Variants in TSPEAR observed in about 807,000 individuals in gnomAD.
The protein encoded by TSPEAR is thrombospondin-type laminin G domain and EAR repeat-containing protein.
Under a neutral mutation model 71.6 loss-of-function variants are expected in TSPEAR, and 69 were observed. The observed-to-expected ratio is 0.96, with a 90% CI of 0.79 to 1.18. The LOEUF (loss-of-function observed/expected upper bound fraction) is 1.18. Ranked by LOEUF, TSPEAR falls within the 50% of genes most tolerant of loss-of-function variation. The pLI, the probability that TSPEAR is intolerant of heterozygous loss-of-function variation, is 0.00. For synonymous variants in TSPEAR, 402 were observed against 387.2 expected, an observed-to-expected ratio of 1.04 and a Z score of -0.45; for missense variants, 971 against 894.9, an observed-to-expected ratio of 1.09 and a Z score of -1.09.
intron 1 of TSPEAR, chr21:44,573,639 T>C: frequency 6.6e-7 from 1 of 1,508,022 alleles, no homozygotes; most frequent in Non-Finnish European, 8.9e-7. Context: ...GAGCCTCCTG[T>C]CTGGACAACA....
At chr21:44,579,810 A>G in intron 1 of TSPEAR, 1 of 1,609,684 alleles carries the variant, frequency 6.2e-7, no homozygotes, top group Non-Finnish European at 8.5e-7. Context: ...AGGGACACGC[A>G]GGAGGCCGGG....
intron 1 of TSPEAR, among the ~76,000 whole-genome samples, chr21:44,568,973 A>C (rs369889759): frequency 5.1e-4 from 78 of 152,258 alleles, no homozygotes; most frequent in Admixed American, 2.4e-3. Context: ...TTCTCTGTGA[A>C]GGCCCCGGAA....
chr21:44,543,092 G>C (rs1310226164), intron 2 of TSPEAR, among the ~76,000 whole-genome samples: 1 of 152,132 alleles, frequency 6.6e-6, no homozygotes, highest in African/African-American at 2.4e-5. Flanking sequence ...TCTGGACACC[G>C]AGAGGATATG....
chr21:44,539,984 G>C (rs201266518), intron 2 of TSPEAR: 2 of 1,613,338 alleles, frequency 1.2e-6, no homozygotes, highest in Non-Finnish European at 1.7e-6. Flanking sequence ...CTGGCAGCAG[G>C]GGCTGGACAC....
At chr21:44,585,177 G>A (rs1470364054) in intron 1 of TSPEAR, among the ~76,000 whole-genome samples, 3 of 152,194 alleles carry the variant, frequency 2.0e-5, no homozygotes, top group South Asian at 2.1e-4. Context: ...CTGGATCCCT[G>A]TTGTTTAAGA....
chr21:44,692,484 T>G (rs1196706253), intron 1 of TSPEAR, among the ~76,000 whole-genome samples: 3 of 152,152 alleles, frequency 2.0e-5, no homozygotes, highest in African/African-American at 7.2e-5. Flanking sequence ...AGAAAGCTAC[T>G]AGAGCTTTAT....
intron 1 of TSPEAR, among the ~76,000 whole-genome samples, chr21:44,645,839 C>T (rs1984300203): frequency 6.6e-6 from 1 of 151,996 alleles, no homozygotes; most frequent in African/African-American, 2.4e-5. Context: ...TCAACAAAAG[C>T]TTGCTTGAAA....
chr21:44,535,083 G>A (rs2053065662), intron 2 of TSPEAR, among the ~76,000 whole-genome samples: 1 of 152,166 alleles, frequency 6.6e-6, no homozygotes, highest in African/African-American at 2.4e-5. Flanking sequence ...GGGTGATGGG[G>A]AGTAAGTGTT....
intron 1 of TSPEAR, among the ~76,000 whole-genome samples, chr21:44,708,009 A>G (rs150941927): frequency 1.9e-3 from 4 of 2,150 alleles, no homozygotes; most frequent in Non-Finnish European, 5.1e-3. Context: ...CCGCGCGTGC[A>G]CACACACACA....
At chr21:44,659,283 CTAAG>C (rs1555943204) in intron 1 of TSPEAR, among the ~76,000 whole-genome samples, 1 of 23,954 alleles carries the variant, frequency 4.2e-5, no homozygotes, top group African/African-American at 3.8e-4. Flanking sequence ...ACCCCTCATC[CTAAG>C]CACAAGCACT....
chr21:44,626,373 G>T (rs1982778856), intron 1 of TSPEAR, among the ~76,000 whole-genome samples: 1 of 152,228 alleles, frequency 6.6e-6, no homozygotes, highest in Non-Finnish European at 1.5e-5. Flanking sequence ...CCTGTGGGCA[G>T]GGCTGGTGAG....
At chr21:44,607,598 A>C (rs1357168268) in intron 1 of TSPEAR, among the ~76,000 whole-genome samples, 1 of 152,214 alleles carries the variant, frequency 6.6e-6, no homozygotes, top group Non-Finnish European at 1.5e-5. Context: ...TAAGAGAGTA[A>C]ATTAGTAAAT....
intron 1 of TSPEAR, among the ~76,000 whole-genome samples, chr21:44,621,769 T>G (rs1982449439): frequency 6.6e-6 from 1 of 152,276 alleles, no homozygotes; most frequent in South Asian, 2.1e-4. Flanking sequence ...GGAAAGCTTT[T>G]GATGTTAGAT....
chr21:44,655,150 C>G (rs587660254), intron 1 of TSPEAR, among the ~76,000 whole-genome samples: 28 of 152,290 alleles, frequency 1.8e-4, no homozygotes, highest in Admixed American at 5.9e-4. Context: ...TTATCTCATT[C>G]ATCTTTGCCA....
chr21:44,615,217 C>T lies in TSPEAR; in HGVS notation c.83-47212G>A, dbSNP rs587676370. On this transcript the variant is annotated intron_variant, in intron 1 of 11. Transcript: ENST00000323084. The stretch of plus-strand genomic sequence containing the variant: ...AATTAGAAACAACCTAAATATCCAT[C>T]CACGAGGGAATGGAGGCGAATGGAG... Among the ~76,000 whole-genome samples the T allele has an allele frequency of 2.2e-4, 33 of 152,374 alleles. 1 individual carries two copies. The highest frequency in any genetic ancestry group is 4.6e-4 in the Admixed American group (7 of 15,308).
intron 1 of TSPEAR, among the ~76,000 whole-genome samples, chr21:44,609,376 C>T (rs1981515381): frequency 6.6e-6 from 1 of 152,114 alleles, no homozygotes; most frequent in African/African-American, 2.4e-5. Context: ...CTTCCTTGTA[C>T]CCATTTTCAG....
At chr21:44,666,423 G>A (rs781809783) in intron 1 of TSPEAR, 7 of 1,561,940 alleles carry the variant, frequency 4.5e-6, no homozygotes, top group Non-Finnish European at 6.1e-6. Context: ...TGCACTGGGA[G>A]CAGCGGGTCT....
chr21:44,696,598 C>T (rs1388868954), intron 1 of TSPEAR, among the ~76,000 whole-genome samples: 1 of 152,200 alleles, frequency 6.6e-6, no homozygotes, highest in Non-Finnish European at 1.5e-5. Flanking sequence ...AAATCCAGCT[C>T]CCAAGCCATT....
At chr21:44,552,550 C>T (rs1326031526) in intron 2 of TSPEAR, among the ~76,000 whole-genome samples, 1 of 152,188 alleles carries the variant, frequency 6.6e-6, no homozygotes, top group Non-Finnish European at 1.5e-5. Flanking sequence ...GGTGAGCAGG[C>T]CCCTGGTCAC....
Sources: allele counts gnomAD v4.1 joint callset (sites outside exome capture counted in the v4.1 genomes callset), GRCh38; gene constraint gnomAD v4.1.1; transcripts MANE v1.5; gene names NCBI Gene and HGNC (gene_info 2026-07-23, HGNC 2026-07-21).